TMEM235: variants seen among roughly 807,000 people sequenced by gnomAD.
TMEM235 encodes claudin-27.
In TMEM235, 23 loss-of-function variants were observed where a neutral mutation model predicts 22.9. The observed-to-expected ratio is 1.00, with a 90% CI of 0.72 to 1.42. The LOEUF (loss-of-function observed/expected upper bound fraction) is 1.42, where lower values mean the gene tolerates loss of function less well. TMEM235 is among the 40% of genes most tolerant of loss of function. The pLI is 0.00. For missense variants in TMEM235, 308 were observed against 299.5 expected (o/e 1.03, Z -0.21); for synonymous variants, 137 against 140.5 (o/e 0.98, Z 0.17).
Position 78,233,918 on chromosome 17 carries a change from G to C in TMEM235, c.214G>C (p.Val72Leu), listed in dbSNP as rs557768596. The change falls in exon 3 of 6, where the codon GTC becomes CTC. Residue 72 changes from valine to leucine, a missense_variant. Coordinates refer to ENST00000421688, the Ensembl canonical transcript of TMEM235. ...AGGGCAGAACGGCTGCATCCCGCTG[G>C]TCGACCCTTTTGCCAGTGAGAGCCT... is the stretch of plus-strand genomic sequence containing the variant. 9.1e-6 allele frequency: 14 copies of C among 1,535,900 alleles called. No homozygotes were observed. In the South Asian group the frequency reaches 1.4e-4, roughly 16 times the overall value.
At chr17:78,240,174 CTG>C in exon 6 of TMEM235, 2 of 842,554 alleles carry the variant, frequency 2.4e-6, no homozygotes, top group Non-Finnish European at 3.2e-6. Flanking sequence ...GGTGGGCACA[CTG>C]AGCTGGCAGA....
At chr17:78,234,103 C>T (rs78780583) in intron 3 of TMEM235, 128 bp downstream of exon 2, 71,995 of 852,924 alleles carry the variant, frequency 0.084, 3,857 homozygotes, top group Non-Finnish European at 0.11. Flanking sequence ...GACGTTTCCA[C>T]GCAGACCTGT....
exon 6 of TMEM235, chr17:78,240,011 C>G: frequency 6.5e-7 from 1 of 1,528,796 alleles, no homozygotes; most frequent in Non-Finnish European, 8.8e-7. Flanking sequence ...CTCCCTTGTT[C>G]TCAAGCCTGC....
chr17:78,234,091 AG>A, intron 3 of TMEM235, 116 bp downstream of exon 2: 1 of 986,070 alleles, frequency 1.0e-6, no homozygotes, highest in Non-Finnish European at 1.5e-6. Flanking sequence ...CGTTTCCAAG[AG>A]GACGTTTCCA....
chr17:78,233,222 G>C (rs561181575), intron 2 of TMEM235, among the ~76,000 whole-genome samples: 15 of 152,330 alleles, frequency 9.8e-5, no homozygotes, highest in Non-Finnish European at 2.2e-4. Flanking sequence ...CACATGACAC[G>C]AGTCAGGAAG....
chr17:78,240,471 C>T (rs2081110552), exon 6 of TMEM235: 1 of 162,852 alleles, frequency 6.1e-6, no homozygotes, highest in Non-Finnish European at 1.4e-5. Context: ...CCAGCACACA[C>T]TTGAGTCCCC....
At chr17:78,234,370 G>C in intron 3 of TMEM235, 1 of 744,948 alleles carries the variant, frequency 1.3e-6, no homozygotes, top group Non-Finnish European at 2.3e-6. Context: ...TGTGAGGCCT[G>C]GGGATGGGGG....
At position 78,234,273 on chromosome 17, in the gene TMEM235, C is replaced by A. The variant is rs767529028; in HGVS notation, c.271+298C>A. ...GGCTGGATCCTGCGGGCCTTGCAGA[C>A]TCCTGGCTCCCCATTTAGGACTCGA... On this transcript the variant is annotated intron_variant, in intron 3 of 5. Transcript: ENST00000421688. 4.4e-6 allele frequency: 3 copies of A among 688,794 alleles called. No individual in the cohort carries two copies. In the South Asian group the frequency reaches 4.5e-5, roughly 10 times the overall value. The allele number at this position is 688,794 out of a possible 1,614,324, so 42.7% of individuals were successfully genotyped here. A position where few individuals can be genotyped will look rare whatever the true frequency, so the allele number is the denominator to read the frequency against.
chr17:78,239,120 G>T, exon 5 of TMEM235: 1 of 1,543,560 alleles, frequency 6.5e-7, no homozygotes. Context: ...CACATGCAGG[G>T]CGTCCGCGTC....
chr17:78,233,445 C>T (rs967955075), intron 2 of TMEM235, among the ~76,000 whole-genome samples: 5 of 152,184 alleles, frequency 3.3e-5, no homozygotes, highest in Non-Finnish European at 7.4e-5. Flanking sequence ...CGGTGGCCCA[C>T]GCCTGTAATC....
In TMEM235 at chr17:78,239,209, G is replaced by C; in HGVS notation, c.595G>C (p.Ala199Pro). The change falls in exon 5 of 6, where the codon GCC becomes CCC. Residue 199 changes from alanine to proline, a missense_variant. Physicochemically the swap from Ala to Pro is conservative, Grantham distance 27 (BLOSUM62 -1). Coordinates refer to ENST00000421688, the Ensembl canonical transcript of TMEM235. ...CAGCGGAACCCTCCTGCTCTCAGCT[G>C]CCTGGACCCTCAGCCTGAGCCCCCC... is the stretch of plus-strand genomic sequence containing the variant. The C allele has an allele frequency of 1.9e-6, 3 of 1,543,368 alleles. No individual in the cohort carries two copies. The South Asian group carries it at 3.6e-5, about 18-fold the overall frequency.
At chr17:78,233,413 TAAAC>T (rs776337572) in intron 2 of TMEM235, among the ~76,000 whole-genome samples, 9 of 152,110 alleles carry the variant, frequency 5.9e-5, no homozygotes, top group African/African-American at 1.2e-4. Flanking sequence ...CACGTGAAAA[TAAAC>T]AAGGTGAAGG....
At position 78,238,751 on chromosome 17, in the gene TMEM235, G is replaced by T. The variant is rs1208280096; in HGVS notation, c.410-273G>T. On this transcript the variant is annotated intron_variant, in intron 4 of 5. Transcript: ENST00000421688. The surrounding 1 kb of genome is among the most constrained non-coding windows in gnomAD (Gnocchi z 4.3). ...ATGGGATGAGGTCTCTGAGGTTTGA[G>T]GACTGAATTGGAGCCTCTTAAAGCT... Among the ~76,000 whole-genome samples the T allele has an allele frequency of 1.3e-5, 2 of 151,940 alleles. No homozygotes were observed. The highest frequency in any genetic ancestry group is 2.9e-5 in the Non-Finnish European group (2 of 67,978).
At position 78,237,677 on chromosome 17, in the gene TMEM235, C is replaced by T. The variant is rs1010042481; in HGVS notation, c.410-1347C>T. ...AGGCAGAGACAGGCACCTCCTGCCG[C>T]ACGGTCAGCCCCCGCTGCTGGGGGC... On this transcript the variant is annotated intron_variant, in intron 4 of 5. Coordinates refer to ENST00000421688, the Ensembl canonical transcript of TMEM235. This position sits in a 1 kb window ranked among gnomAD's most constrained non-coding sequence, Gnocchi z 4.7. Among the ~76,000 whole-genome samples, 5 of 152,058 alleles carry T rather than the reference C, an allele frequency of 3.3e-5. No individual in the cohort carries two copies. Among genetic ancestry groups the T allele is most frequent in the African/African-American group, 1.2e-4 (5 of 41,398 alleles).
At chr17:78,239,640 C>A (rs2076686658) in intron 5 of TMEM235, 140 bp from the exon 5 acceptor site, 1 of 1,420,954 alleles carries the variant, frequency 7.0e-7, no homozygotes, top group Non-Finnish European at 9.3e-7. Flanking sequence ...CCCCAGCAGG[C>A]TAGTGAGTCA....
chr17:78,240,031 T>C, exon 6 of TMEM235: 1 of 1,507,094 alleles, frequency 6.6e-7, no homozygotes, highest in Admixed American at 2.1e-5. Flanking sequence ...CTAGGTACTT[T>C]TCACTGAGCA....
exon 2 of TMEM235, chr17:78,232,053 C>T: frequency 7.5e-7 from 1 of 1,338,886 alleles, no homozygotes; most frequent in Non-Finnish European, 9.6e-7. Context: ...TGCTCCTGGC[C>T]GCCGCCCTGG....
At chr17:78,233,826 T>G in intron 2 of TMEM235, 69 bp from the exon 2 acceptor site, 1 of 1,462,670 alleles carries the variant, frequency 6.8e-7, no homozygotes. Context: ...GGGGGTCCCC[T>G]GGGCTCGGGT....
Position 78,238,793 on chromosome 17 carries a change from A to G in TMEM235, c.410-231A>G, listed in dbSNP as rs1475002760. ...CTTAAAGCTCCACTCCGCCAAATGCAGTTGACTACCTTTAGCCCTGTCCAA... is the reference window on the plus strand; with the variant it reads ...CTTAAAGCTCCACTCCGCCAAATGCGGTTGACTACCTTTAGCCCTGTCCAA... On this transcript the variant is annotated intron_variant, in intron 4 of 5. Transcript: ENST00000421688. The surrounding 1 kb of genome is among the most constrained non-coding windows in gnomAD (Gnocchi z 4.3). Among the ~76,000 whole-genome samples, 2 of 152,000 alleles carry G rather than the reference A, an allele frequency of 1.3e-5. No homozygotes were observed. Among genetic ancestry groups the G allele is most frequent in the Non-Finnish European group, 2.9e-5 (2 of 67,988 alleles).
Sources: allele counts gnomAD v4.1 joint callset (sites outside exome capture counted in the v4.1 genomes callset), GRCh38; gene constraint gnomAD v4.1.1; non-coding constraint Gnocchi (gnomAD v3.1); transcripts MANE v1.5; gene names NCBI Gene and HGNC (gene_info 2026-07-23, HGNC 2026-07-21).